Variants in CACNA2D3 observed in about 807,000 individuals in gnomAD.
The protein encoded by CACNA2D3 is calcium voltage-gated channel auxiliary subunit alpha2delta 3, also known as voltage-dependent calcium channel subunit alpha-2/delta-3.
A neutral mutation model predicts 160.6 loss-of-function variants in CACNA2D3; 60 were observed. The ratio of observed to expected loss-of-function variants is 0.37; its 90% CI spans 0.30 to 0.46. The LOEUF is 0.46. Among genes scored for constraint, CACNA2D3 ranks in the 20% least tolerant of loss-of-function variants. CACNA2D3 has a pLI of 1.00. For synonymous variants in CACNA2D3, 558 were observed against 492.9 expected (o/e 1.13, Z -1.75); for missense variants, 1,205 against 1,365.0 (o/e 0.88, Z 1.85).
intron 27 of CACNA2D3, among the ~76,000 whole-genome samples, chr3:54,911,409 G>A (rs193159809): frequency 1.9e-3 from 227 of 117,330 alleles, no homozygotes; most frequent in Admixed American, 2.6e-3. Context: ...CCCCAGACTG[G>A]TCTTGAACTC....
intron 4 of CACNA2D3, among the ~76,000 whole-genome samples, chr3:54,492,995 C>T (rs1232543061): frequency 1.4e-5 from 2 of 143,116 alleles, no homozygotes; most frequent in Non-Finnish European, 3.0e-5. Context: ...AATGTTAAGA[C>T]AATGGCAGGT....
chr3:55,059,504 C>T (rs1300884925), intron 35 of CACNA2D3, among the ~76,000 whole-genome samples: 1 of 152,166 alleles, frequency 6.6e-6, no homozygotes, highest in East Asian at 1.9e-4. Context: ...GGGGAACATG[C>T]AGACGGGCAG....
chr3:54,589,581 C>G (rs1702823518), intron 9 of CACNA2D3, among the ~76,000 whole-genome samples: 1 of 151,860 alleles, frequency 6.6e-6, no homozygotes, highest in African/African-American at 2.4e-5. Flanking sequence ...AAACCTTTTG[C>G]TATGTGAAAG....
intron 2 of CACNA2D3, among the ~76,000 whole-genome samples, chr3:54,252,684 G>A (rs1239921141): frequency 1.3e-5 from 2 of 152,140 alleles, no homozygotes; most frequent in Non-Finnish European, 2.9e-5. Context: ...GGGACCAGCC[G>A]TATGATATAG....
At chr3:54,607,314 T>G (rs586391) in intron 9 of CACNA2D3, among the ~76,000 whole-genome samples, 86,612 of 151,810 alleles carry the variant, frequency 0.57, 25,971 homozygotes, top group African/African-American at 0.77. Flanking sequence ...ATGCAGCTGG[T>G]TTTTTTGTTT....
chr3:54,297,622 A>G (rs1165897168), intron 2 of CACNA2D3, among the ~76,000 whole-genome samples: 1 of 151,414 alleles, frequency 6.6e-6, no homozygotes, highest in Non-Finnish European at 1.5e-5. Flanking sequence ...GTAACTTTGA[A>G]TTTGGACTGA....
chr3:54,856,211 G>T (rs1430528504), intron 17 of CACNA2D3, among the ~76,000 whole-genome samples: 2 of 151,960 alleles, frequency 1.3e-5, no homozygotes, highest in South Asian at 2.1e-4. Context: ...AGCACACAAT[G>T]AAACAATATG....
intron 11 of CACNA2D3, among the ~76,000 whole-genome samples, chr3:54,671,999 A>G (rs774466200): frequency 1.6e-4 from 25 of 152,238 alleles, no homozygotes; most frequent in Non-Finnish European, 3.4e-4. Flanking sequence ...CTTCAAAGGG[A>G]TTCTCCAGGT....
At chr3:54,181,478 G>A (rs936057422) in intron 2 of CACNA2D3, among the ~76,000 whole-genome samples, 4 of 152,152 alleles carry the variant, frequency 2.6e-5, no homozygotes, top group African/African-American at 9.7e-5. Flanking sequence ...GAGACATTAC[G>A]AATTATTTTT....
At chr3:54,566,193 G>A (rs550731345) in intron 6 of CACNA2D3, among the ~76,000 whole-genome samples, 2 of 152,300 alleles carry the variant, frequency 1.3e-5, no homozygotes, top group Admixed American at 6.5e-5. Context: ...CAGAGCCATA[G>A]TCCCTTTATG....
At chr3:54,615,720 AC>A (rs1698835612) in intron 9 of CACNA2D3, among the ~76,000 whole-genome samples, 1 of 152,144 alleles carries the variant, frequency 6.6e-6, no homozygotes, top group Non-Finnish European at 1.5e-5. Context: ...GGAACAAATT[AC>A]CCCTAAACTT....
At chr3:54,315,392 A>T (rs1703837124) in intron 2 of CACNA2D3, among the ~76,000 whole-genome samples, 1 of 152,208 alleles carries the variant, frequency 6.6e-6, no homozygotes, top group Non-Finnish European at 1.5e-5. Flanking sequence ...GCCCCTGTTA[A>T]CTGCCAATGT....
At chr3:54,955,151 G>A (rs938161624) in intron 27 of CACNA2D3, among the ~76,000 whole-genome samples, 1 of 152,166 alleles carries the variant, frequency 6.6e-6, no homozygotes, top group Admixed American at 6.5e-5. Context: ...ATAACCCAGT[G>A]GGGTACAGAA....
chr3:54,902,362 A>C (rs1170811213), intron 27 of CACNA2D3, among the ~76,000 whole-genome samples: 2 of 152,122 alleles, frequency 1.3e-5, no homozygotes, highest in African/African-American at 2.4e-5. Context: ...TTAAACAAAA[A>C]CATTTAGATA....
intron 18 of CACNA2D3, among the ~76,000 whole-genome samples, chr3:54,873,676 T>A (rs1281816455): frequency 6.6e-6 from 1 of 152,146 alleles, no homozygotes; most frequent in Non-Finnish European, 1.5e-5. Context: ...AACTTCAGAG[T>A]TGGACATCTC....
At chr3:54,595,677 A>G (rs559879324) in intron 9 of CACNA2D3, among the ~76,000 whole-genome samples, 7 of 152,114 alleles carry the variant, frequency 4.6e-5, no homozygotes, top group African/African-American at 1.7e-4. Context: ...TTTCCCTGGT[A>G]CCCTGTCTTG....
At chr3:54,619,590 G>C (rs1358928349) in intron 9 of CACNA2D3, among the ~76,000 whole-genome samples, 1 of 152,204 alleles carries the variant, frequency 6.6e-6, no homozygotes, top group African/African-American at 2.4e-5. Flanking sequence ...GAATAGCTCA[G>C]ATGCCATTCT....
In CACNA2D3 at chr3:54,342,964, C is replaced by T. The variant is rs554735535; in HGVS notation, c.321+22406C>T. On this transcript the variant is annotated intron_variant, in intron 3 of 37. Transcript: ENST00000474759. Reference sequence around the variant, plus strand: ...CCTGGGTAGCCGCACAGAGTTTGCACGTTTGTGCCAAGACCACTCCTTCAC... The same window carrying T: ...CCTGGGTAGCCGCACAGAGTTTGCATGTTTGTGCCAAGACCACTCCTTCAC... Among the ~76,000 whole-genome samples, 10 of 152,296 alleles carry T rather than the reference C, an allele frequency of 6.6e-5. No individual in the cohort carries two copies. In the South Asian group the frequency reaches 1.9e-3, roughly 28 times the overall value.
rs371456905 is a variant in CACNA2D3 at position 54,463,721 on chromosome 3, C to G, written c.382-39771C>G. ...CTTTTTTGCCTTTGGTTTGAATTTCCTCCTGTAGCTCGGAGTAGTTTGATC... is the reference window on the plus strand; with the variant it reads ...CTTTTTTGCCTTTGGTTTGAATTTCGTCCTGTAGCTCGGAGTAGTTTGATC... On this transcript the variant is annotated intron_variant, in intron 4 of 37. Transcript: ENST00000474759. Among the ~76,000 whole-genome samples, 26 of 152,268 alleles carry G rather than the reference C, an allele frequency of 1.7e-4. No individual in the cohort carries two copies. The East Asian group carries it at 2.1e-3, about 12-fold the overall frequency.
Sources: allele counts gnomAD v4.1 joint callset (sites outside exome capture counted in the v4.1 genomes callset), GRCh38; gene constraint gnomAD v4.1.1; transcripts MANE v1.5; gene names NCBI Gene and HGNC (gene_info 2026-07-23, HGNC 2026-07-21).